DCAF8L2: variants seen among roughly 807,000 people sequenced by gnomAD.
DCAF8L2 encodes the protein DDB1- and CUL4-associated factor 8-like protein 2.
For missense variants in DCAF8L2, 430 were observed against 490.7 expected, an observed-to-expected ratio of 0.88 and a Z score of 1.17; for synonymous variants, 200 against 190.9, an observed-to-expected ratio of 1.05 and a Z score of -0.39.
rs1930391863 is a variant in DCAF8L2, at chrX:27,683,361, G to A, written c.-143+5449G>A. ...TTCGAACCATCATTTAACAAGATAT[G>A]GGAAGTGAATAGTATTTGCTCACCA... On this transcript the variant is annotated intron_variant, in intron 3 of 4. Coordinates refer to ENST00000451261, the MANE Select transcript of DCAF8L2 (RefSeq NM_001353450.2). Among the ~76,000 whole-genome samples the A allele has an allele frequency of 2.7e-5, 3 of 111,519 alleles. No individual in the cohort carries two copies. The Admixed American group carries it at 2.9e-4, about 11-fold the overall frequency.
At chrX:27,475,230 T>A in the DCAF8L2 span, among the ~76,000 whole-genome samples, 1 of 111,658 alleles carries the variant, frequency 9.0e-6, no homozygotes. Flanking sequence ...TAGAGGTAAG[T>A]ACTCTACTTT....
At chrX:27,538,175 T>A in the DCAF8L2 span, among the ~76,000 whole-genome samples, 3 of 111,283 alleles carry the variant, frequency 2.7e-5, no homozygotes, top group African/African-American at 9.8e-5. Flanking sequence ...ATTATTTGTA[T>A]GCAAATTTCC....
intron 3 of DCAF8L2, among the ~76,000 whole-genome samples, chrX:27,701,606 C>T (rs1055456937): frequency 3.6e-5 from 4 of 111,112 alleles, no homozygotes; most frequent in Non-Finnish European, 7.6e-5. Context: ...AAGCAGTATA[C>T]TTCTAAATAA....
chrX:27,613,595 A>C (rs1172207175), intron 1 of DCAF8L2, among the ~76,000 whole-genome samples: 3 of 111,094 alleles, frequency 2.7e-5, no homozygotes, highest in Non-Finnish European at 5.6e-5. Context: ...GGTTTGTCAT[A>C]AATAGCTCTT....
chrX:27,630,848 T>C (rs1346356765), intron 1 of DCAF8L2, among the ~76,000 whole-genome samples: 1 of 112,324 alleles, frequency 8.9e-6, no homozygotes, highest in Non-Finnish European at 1.9e-5. Flanking sequence ...AATTTAGAGA[T>C]GGCCGTCTTA....
At chrX:27,583,978 T>C in the DCAF8L2 span, among the ~76,000 whole-genome samples, 70 of 111,895 alleles carry the variant, frequency 6.3e-4, no homozygotes, top group African/African-American at 2.2e-3. Context: ...ACCCCAAACC[T>C]CTAGGAACTC....
the DCAF8L2 span, among the ~76,000 whole-genome samples, chrX:27,527,451 T>A: frequency 2.7e-5 from 3 of 111,098 alleles, no homozygotes; most frequent in Non-Finnish European, 5.7e-5. Flanking sequence ...GAAAGGGAAT[T>A]CCCTGACCCC....
At chrX:27,488,803 G>T in the DCAF8L2 span, among the ~76,000 whole-genome samples, 1 of 108,462 alleles carries the variant, frequency 9.2e-6, no homozygotes, top group African/African-American at 3.4e-5. Flanking sequence ...CTACAGGCAC[G>T]CGCCACCATG....
chrX:27,536,825 T>G, the DCAF8L2 span, among the ~76,000 whole-genome samples: 1 of 111,611 alleles, frequency 9.0e-6, no homozygotes, highest in Non-Finnish European at 1.9e-5. Context: ...TCAGAGATTA[T>G]CTGGGGACCC....
chrX:27,635,528 G>A (rs1928463751), intron 2 of DCAF8L2, among the ~76,000 whole-genome samples: 1 of 111,103 alleles, frequency 9.0e-6, no homozygotes, highest in Admixed American at 9.6e-5. Context: ...GATTTGAGGA[G>A]GCCCAGACAC....
the DCAF8L2 span, among the ~76,000 whole-genome samples, chrX:27,489,523 G>C: frequency 2.7e-5 from 3 of 112,721 alleles, no homozygotes; most frequent in Admixed American, 2.8e-4. Flanking sequence ...ATATTCCACT[G>C]TATTGATGTA....
intron 3 of DCAF8L2, among the ~76,000 whole-genome samples, chrX:27,715,711 C>T (rs1361984608): frequency 9.0e-6 from 1 of 111,255 alleles, no homozygotes; most frequent in Admixed American, 9.6e-5. Context: ...TAAAGTGGCC[C>T]AGGAAAAGAG....
chrX:27,535,352 A>G, the DCAF8L2 span, among the ~76,000 whole-genome samples: 2 of 111,848 alleles, frequency 1.8e-5, no homozygotes, highest in Admixed American at 1.9e-4. Flanking sequence ...TAGGGTAAAA[A>G]AGAAAAATTA....
intron 3 of DCAF8L2, among the ~76,000 whole-genome samples, chrX:27,696,264 GAGAGAGAAAGAA>G (rs1368518114): frequency 2.6e-5 from 2 of 75,644 alleles, no homozygotes; most frequent in Admixed American, 1.8e-4. Context: ...AAGGAAGAGA[GAGAGAGAAAGAA>G]AGAAAGAAAG....
At chrX:27,744,582 T>C (rs971035766) in intron 4 of DCAF8L2, among the ~76,000 whole-genome samples, 8 of 111,360 alleles carry the variant, frequency 7.2e-5, no homozygotes, top group South Asian at 3.8e-4. Context: ...AAAATAAATA[T>C]ATTTTAATGA....
intron 3 of DCAF8L2, among the ~76,000 whole-genome samples, chrX:27,687,661 C>T (rs181918832): frequency 9.0e-6 from 1 of 111,412 alleles, no homozygotes; most frequent in Admixed American, 9.6e-5. Context: ...CAAGACCAGC[C>T]TGGGAAACAT....
chrX:27,722,703 A>G (rs189180205), intron 4 of DCAF8L2, among the ~76,000 whole-genome samples: 1 of 110,761 alleles, frequency 9.0e-6, no homozygotes, highest in East Asian at 2.8e-4. Flanking sequence ...ATTATAATAT[A>G]CTGCTTGTGT....
intron 4 of DCAF8L2, among the ~76,000 whole-genome samples, chrX:27,728,248 A>G (rs1920997784): frequency 9.0e-6 from 1 of 111,654 alleles, no homozygotes; most frequent in South Asian, 3.7e-4. Context: ...GGCACATTTA[A>G]CACAATTTTT....
At chrX:27,501,275 G>A in the DCAF8L2 span, among the ~76,000 whole-genome samples, 7 of 103,348 alleles carry the variant, frequency 6.8e-5, no homozygotes, top group African/African-American at 2.5e-4. Context: ...CTCCTCTGCT[G>A]TGTGTGTGTA....
Sources: allele counts gnomAD v4.1 joint callset (sites outside exome capture counted in the v4.1 genomes callset), GRCh38; gene constraint gnomAD v4.1.1; transcripts MANE v1.5; gene names NCBI Gene and HGNC (gene_info 2026-07-23, HGNC 2026-07-21).